VWA8: variants seen among roughly 807,000 people sequenced by gnomAD.
The protein encoded by VWA8 is von Willebrand factor A domain containing 8, also known as von Willebrand factor A domain-containing protein 8.
VWA8 carries 221 observed loss-of-function variants against 241.5 expected under a neutral mutation model. That is an observed-to-expected ratio of 0.91 (90% confidence interval 0.82 to 1.02). The LOEUF (loss-of-function observed/expected upper bound fraction) is 1.02. VWA8 is among the 50% of genes least tolerant of loss of function. VWA8 has a pLI of 0.00. For missense variants in VWA8, 2,322 were observed against 2,328.7 expected, an observed-to-expected ratio of 1.00 and a Z score of 0.06; for synonymous variants, 852 against 827.1, an observed-to-expected ratio of 1.03 and a Z score of -0.52.
chr13:41,635,007 A>G (rs12877785), intron 37 of VWA8, among the ~76,000 whole-genome samples: 9,933 of 152,202 alleles, frequency 0.065, 607 homozygotes, highest in African/African-American at 0.16. Context: ...CTGGTGAAGT[A>G]GTTTTGGCCA....
In VWA8 at chr13:41,590,704, T is replaced by A; in HGVS notation, c.5048A>T (p.Lys1683Met). Residue 1683 changes from lysine to methionine, a missense_variant, in exon 41 of 45, where the codon AAG becomes ATG. Coordinates refer to ENST00000379310, the MANE Select transcript of VWA8 (RefSeq NM_015058.2). Reference protein sequence around the residue: ...HQATGELDDAKIIDGLTGEKA... With the variant: ...HQATGELDDAMIIDGLTGEKA... The stretch of plus-strand genomic sequence containing the variant: ...TTCTCCAGTCAGCCCATCAATGATC[T>A]TGGCATCATCTAATTCTCCAGTAGC... 1 of 1,614,152 alleles carries A rather than the reference T, an allele frequency of 6.2e-7. No individual in the cohort carries two copies. The highest frequency in any genetic ancestry group is 8.5e-7 in the Non-Finnish European group (1 of 1,180,012).
chr13:41,834,362 A>G (rs537352459), intron 12 of VWA8, among the ~76,000 whole-genome samples: 3 of 152,366 alleles, frequency 2.0e-5, no homozygotes, highest in South Asian at 4.1e-4. Flanking sequence ...AGTTAAACAC[A>G]TTTACAGTCA....
chr13:41,916,044 A>G (rs981780781), intron 2 of VWA8, among the ~76,000 whole-genome samples: 2 of 152,124 alleles, frequency 1.3e-5, no homozygotes, highest in African/African-American at 4.8e-5. Flanking sequence ...CAACTCTACT[A>G]TTTACTAGCT....
intron 17 of VWA8, among the ~76,000 whole-genome samples, chr13:41,801,120 A>T (rs80169502): frequency 0.15 from 23,293 of 151,560 alleles, 1,894 homozygotes; most frequent in Non-Finnish European, 0.19. Context: ...ATCAACTCTT[A>T]TTATTTATTT....
rs370791267 is a variant in VWA8, at chr13:41,675,073, G to C, written c.4409+142C>G. The C allele has an allele frequency of 5.4e-6, 3 of 560,246 alleles. No homozygotes were observed. In the African/African-American group the frequency reaches 5.9e-5, roughly 11 times the overall value. 34.7% of individuals were successfully genotyped at this position (560,246 alleles called of 1,614,324 possible). A position where few individuals can be genotyped will look rare whatever the true frequency, so the allele number is the denominator to read the frequency against. Reference sequence around the variant, plus strand: ...AGGAAAACATTCAGAAGAACAGCAAGATAGAAACCAACTGTAACTGGAAAA... The same window carrying C: ...AGGAAAACATTCAGAAGAACAGCAACATAGAAACCAACTGTAACTGGAAAA... On this transcript the variant is annotated intron_variant, in intron 36 of 44. Coordinates refer to ENST00000379310, the MANE Select transcript of VWA8 (RefSeq NM_015058.2).
chr13:41,917,780 C>CT (rs1459566862), intron 2 of VWA8, among the ~76,000 whole-genome samples: 1 of 152,228 alleles, frequency 6.6e-6, no homozygotes, highest in African/African-American at 2.4e-5. Context: ...TACATCCTCA[C>CT]TGGTAAAGCC....
chr13:41,816,414 C>T (rs539590092), intron 16 of VWA8, among the ~76,000 whole-genome samples: 1 of 152,276 alleles, frequency 6.6e-6, no homozygotes, highest in Non-Finnish European at 1.5e-5. Flanking sequence ...ATAGATAACA[C>T]TGCTCAGCAT....
intron 12 of VWA8, among the ~76,000 whole-genome samples, chr13:41,852,943 C>T (rs1036236033): frequency 5.3e-5 from 8 of 151,988 alleles, no homozygotes; most frequent in Non-Finnish European, 1.0e-4. Flanking sequence ...TTCTGTGGTT[C>T]CATATGAATT....
At chr13:41,592,484 T>C (rs1319150956) in intron 40 of VWA8, among the ~76,000 whole-genome samples, 1 of 141,128 alleles carries the variant, frequency 7.1e-6, no homozygotes, top group East Asian at 2.1e-4. Flanking sequence ...AAAAATAAAA[T>C]AAAATAAAAT....
At chr13:41,611,795 G>A in intron 38 of VWA8, 63 bp from the exon 39 acceptor site, 1 of 1,597,522 alleles carries the variant, frequency 6.3e-7, no homozygotes, top group Non-Finnish European at 8.6e-7. Context: ...CAAAAGTTGG[G>A]TCATGGTTTT....
chr13:41,720,102 C>T (rs766015868), intron 25 of VWA8, among the ~76,000 whole-genome samples: 10 of 151,890 alleles, frequency 6.6e-5, no homozygotes, highest in Non-Finnish European at 4.4e-5. Context: ...TGTAAAGGAG[C>T]GTGTTAAATA....
intron 4 of VWA8, among the ~76,000 whole-genome samples, chr13:41,901,913 TAC>T (rs3073095): frequency 0.13 from 8,440 of 62,550 alleles, 594 homozygotes; most frequent in Non-Finnish European, 0.17. Context: ...TATATATATA[TAC>T]ACACACATAT....
intron 25 of VWA8, 111 bp downstream of exon 25, chr13:41,721,259 C>G (rs530409307): frequency 1.2e-5 from 13 of 1,072,026 alleles, no homozygotes; most frequent in African/African-American, 7.9e-5. Context: ...ATCATGTAAT[C>G]TGACTCATTA....
At chr13:41,842,661 G>T (rs1199169405) in intron 12 of VWA8, among the ~76,000 whole-genome samples, 2 of 152,184 alleles carry the variant, frequency 1.3e-5, no homozygotes, top group African/African-American at 4.8e-5. Flanking sequence ...TAATAAAGAT[G>T]CAAAATTAAA....
intron 39 of VWA8, among the ~76,000 whole-genome samples, chr13:41,610,031 T>G (rs2044577457): frequency 6.6e-6 from 1 of 152,186 alleles, no homozygotes; most frequent in Non-Finnish European, 1.5e-5. Context: ...CAGGCACTGT[T>G]ACCTTTCTGC....
At chr13:41,832,871 G>T (rs1380129425) in intron 13 of VWA8, among the ~76,000 whole-genome samples, 1 of 151,614 alleles carries the variant, frequency 6.6e-6, no homozygotes, top group Non-Finnish European at 1.5e-5. Context: ...TTAACAAAGT[G>T]AGCTTTTTTA....
chr13:41,807,531 T>A (rs1285682071), intron 17 of VWA8: 3 of 152,200 alleles, frequency 2.0e-5, no homozygotes, highest in African/African-American at 7.2e-5. Context: ...CCAGCATGGT[T>A]AAACACATGC....
Position 41,703,192 on chromosome 13 carries a change from A to T in VWA8, c.3225+111T>A, listed in dbSNP as rs962218557. On this transcript the variant is annotated intron_variant, in intron 27 of 44. Transcript: ENST00000379310. ...TGATTTGAAAGTTAGAGCAGAAGCT[A>T]AAATAACATCCGAACAAATCATTTC... The T allele has an allele frequency of 1.2e-4, 106 of 873,442 alleles. No homozygotes were observed. The African/African-American group carries it at 1.6e-3, about 13-fold the overall frequency. 54.1% of individuals were successfully genotyped at this position (873,442 alleles called of 1,614,324 possible).
chr13:41,732,855 T>C (rs2045495652), intron 21 of VWA8, among the ~76,000 whole-genome samples: 1 of 152,198 alleles, frequency 6.6e-6, no homozygotes, highest in Non-Finnish European at 1.5e-5. Context: ...TCACATCAAG[T>C]GTGGATATTC....
Sources: allele counts gnomAD v4.1 joint callset (sites outside exome capture counted in the v4.1 genomes callset), GRCh38; gene constraint gnomAD v4.1.1; transcripts MANE v1.5; gene names NCBI Gene and HGNC (gene_info 2026-07-23, HGNC 2026-07-21).